The following SLC4A10 variants were observed in gnomAD, a reference collection of about 807,000 sequenced individuals.
The protein encoded by SLC4A10 is solute carrier family 4 member 10, also known as sodium-driven chloride bicarbonate exchanger.
In SLC4A10, 42 loss-of-function variants were observed where a neutral mutation model predicts 137.7. The ratio of observed to expected loss-of-function variants is 0.30; its 90% CI spans 0.24 to 0.39. SLC4A10 has a LOEUF of 0.39. Among genes scored for constraint, SLC4A10 ranks in the 10% least tolerant of loss-of-function variants. SLC4A10 has a pLI of 1.00. For synonymous variants in SLC4A10, 474 were observed against 464.1 expected, an observed-to-expected ratio of 1.02 and a Z score of -0.27; for missense variants, 925 against 1,355.0, an observed-to-expected ratio of 0.68 and a Z score of 4.98.
chr2:161,765,381 C>G (rs542017756), intron 1 of SLC4A10, among the ~76,000 whole-genome samples: 3 of 152,108 alleles, frequency 2.0e-5, no homozygotes, highest in Admixed American at 2.0e-4. Context: ...CCAAGATAGG[C>G]GGATCACCTG....
At chr2:161,931,641 T>A (rs1037993471) in intron 15 of SLC4A10, among the ~76,000 whole-genome samples, 1 of 152,216 alleles carries the variant, frequency 6.6e-6, no homozygotes, top group Non-Finnish European at 1.5e-5. Context: ...AAAAAATTAA[T>A]TTAGAATCAG....
chr2:161,720,351 T>C (rs988340671), intron 1 of SLC4A10, among the ~76,000 whole-genome samples: 1 of 152,246 alleles, frequency 6.6e-6, no homozygotes, highest in African/African-American at 2.4e-5. Context: ...TTTGTTCTTT[T>C]GGCTTAGGAT....
chr2:161,790,140 T>G (rs1039870219), intron 2 of SLC4A10, among the ~76,000 whole-genome samples: 7 of 152,184 alleles, frequency 4.6e-5, no homozygotes, highest in Admixed American at 4.6e-4. Flanking sequence ...TTGAGAATAT[T>G]CTATTATAAA....
chr2:161,911,235 A>T (rs1171258268), intron 15 of SLC4A10, among the ~76,000 whole-genome samples: 2 of 152,042 alleles, frequency 1.3e-5, no homozygotes, highest in African/African-American at 4.8e-5. Context: ...ACTCTTAAAG[A>T]TTTTAGCTAG....
chr2:161,859,088 G>A (rs2060258276), intron 5 of SLC4A10, among the ~76,000 whole-genome samples: 1 of 151,976 alleles, frequency 6.6e-6, no homozygotes, highest in African/African-American at 2.4e-5. Context: ...ATCTTTTAAA[G>A]TTAAGACAAT....
chr2:161,924,898 G>C (rs1688786969), intron 15 of SLC4A10, among the ~76,000 whole-genome samples: 1 of 152,180 alleles, frequency 6.6e-6, no homozygotes, highest in Non-Finnish European at 1.5e-5. Flanking sequence ...CATATCATCA[G>C]GTTTCGATGG....
chr2:161,924,540 AATTT>A (rs1325187923), intron 15 of SLC4A10, among the ~76,000 whole-genome samples: 5 of 152,114 alleles, frequency 3.3e-5, no homozygotes, highest in African/African-American at 7.2e-5. Flanking sequence ...TTTAAATTTG[AATTT>A]ATTTATTTAT....
rs1683813816 is a variant in SLC4A10 at position 161,904,295 on chromosome 2, T to C, written c.1617+117T>C. 3 of 1,085,050 alleles carry C rather than the reference T, an allele frequency of 2.8e-6. No individual in the cohort carries two copies. The South Asian group carries it at 5.1e-5, about 19-fold the overall frequency. The allele number at this position is 1,085,050 out of a possible 1,614,324, so 67.2% of individuals were successfully genotyped here. A position where few individuals can be genotyped will look rare whatever the true frequency, so the allele number is the denominator to read the frequency against. ...CTGAGGAGAGATTTGAGATATGGTCTGGCAGATACACCTTATATGAATTTC... is the reference window on the plus strand; with the variant it reads ...CTGAGGAGAGATTTGAGATATGGTCCGGCAGATACACCTTATATGAATTTC... On this transcript the variant is annotated intron_variant, in intron 13 of 26. Transcript: ENST00000446997.
chr2:161,797,088 C>T (rs1270777098), intron 2 of SLC4A10, among the ~76,000 whole-genome samples: 1 of 152,018 alleles, frequency 6.6e-6, no homozygotes, highest in East Asian at 1.9e-4. Context: ...TTTTCTTTCT[C>T]TTCCTTGCAA....
At chr2:161,895,283 G>T (rs1269177185) in intron 11 of SLC4A10, among the ~76,000 whole-genome samples, 1 of 152,038 alleles carries the variant, frequency 6.6e-6, no homozygotes, top group Non-Finnish European at 1.5e-5. Flanking sequence ...TGGTGTATAT[G>T]TGCCCCATTT....
intron 1 of SLC4A10, among the ~76,000 whole-genome samples, chr2:161,686,221 C>T (rs1393853523): frequency 6.6e-6 from 1 of 152,122 alleles, no homozygotes; most frequent in East Asian, 1.9e-4. Context: ...ATCTTAAAAT[C>T]AAATCCCTTA....
At chr2:161,688,797 T>C (rs1329850755) in intron 1 of SLC4A10, among the ~76,000 whole-genome samples, 1 of 152,170 alleles carries the variant, frequency 6.6e-6, no homozygotes, top group African/African-American at 2.4e-5. Context: ...TTATCGATTT[T>C]CTATTATGGT....
chr2:161,885,116 G>A (rs905971838), intron 10 of SLC4A10, among the ~76,000 whole-genome samples: 2 of 152,024 alleles, frequency 1.3e-5, no homozygotes, highest in Admixed American at 6.6e-5. Flanking sequence ...AAGTGGAGAT[G>A]GCAATGAGCC....
At chr2:161,658,324 T>C (rs902595598) in intron 1 of SLC4A10, among the ~76,000 whole-genome samples, 2 of 152,116 alleles carry the variant, frequency 1.3e-5, no homozygotes, top group Non-Finnish European at 2.9e-5. Context: ...GATAAAACAA[T>C]TGATAGTATT....
At chr2:161,971,356 T>A (rs1028110669) in intron 23 of SLC4A10, among the ~76,000 whole-genome samples, 1 of 152,230 alleles carries the variant, frequency 6.6e-6, no homozygotes, top group African/African-American at 2.4e-5. Flanking sequence ...GGCATTTAAA[T>A]CATAGCATAA....
intron 10 of SLC4A10, among the ~76,000 whole-genome samples, chr2:161,886,631 T>G (rs992731754): frequency 6.6e-6 from 1 of 152,162 alleles, no homozygotes; most frequent in Non-Finnish European, 1.5e-5. Context: ...ACTGCTAAAT[T>G]TTTTTGTGTG....
chr2:161,801,745 C>G (rs60009017), intron 2 of SLC4A10, among the ~76,000 whole-genome samples: 394 of 152,134 alleles, frequency 2.6e-3, no homozygotes, highest in African/African-American at 8.5e-3. Flanking sequence ...TAAAATGTGA[C>G]TTAACTTTTT....
At chr2:161,691,975 G>T (rs1246576329) in intron 1 of SLC4A10, among the ~76,000 whole-genome samples, 1 of 152,114 alleles carries the variant, frequency 6.6e-6, no homozygotes, top group Non-Finnish European at 1.5e-5. Flanking sequence ...TCCATGTGAA[G>T]TAGTGTAGGC....
At chr2:161,818,878 C>A (rs936477605) in intron 3 of SLC4A10, among the ~76,000 whole-genome samples, 5 of 152,100 alleles carry the variant, frequency 3.3e-5, no homozygotes, top group Non-Finnish European at 7.4e-5. Flanking sequence ...ATTCAGTTTG[C>A]CAGTATTTTA....
Sources: allele counts gnomAD v4.1 joint callset (sites outside exome capture counted in the v4.1 genomes callset), GRCh38; gene constraint gnomAD v4.1.1; transcripts MANE v1.5; gene names NCBI Gene and HGNC (gene_info 2026-07-23, HGNC 2026-07-21).